AIM2: variants seen among roughly 807,000 people sequenced by gnomAD.
The protein encoded by AIM2 is interferon-inducible protein AIM2.
In AIM2, 30 loss-of-function variants were observed where a neutral mutation model predicts 27.7. The ratio of observed to expected loss-of-function variants is 1.08; its 90% CI spans 0.81 to 1.47. AIM2 has a LOEUF of 1.47. Ranked by LOEUF, AIM2 falls within the 40% of genes most tolerant of loss-of-function variation. The pLI, the probability that AIM2 is intolerant of heterozygous loss-of-function variation, is 0.00. For missense variants in AIM2, 358 were observed against 411.3 expected (o/e 0.87, Z 1.12); for synonymous variants, 141 against 145.3 (o/e 0.97, Z 0.21).
At chr1:159,074,272 T>C (rs1310518579) in intron 1 of AIM2, among the ~76,000 whole-genome samples, 1 of 152,200 alleles carries the variant, frequency 6.6e-6, no homozygotes, top group Non-Finnish European at 1.5e-5. Flanking sequence ...ATCTCAAGAT[T>C]AGAAGATTTT....
At chr1:159,139,831 C>G (rs1311392300) in intron 1 of AIM2, among the ~76,000 whole-genome samples, 1 of 152,170 alleles carries the variant, frequency 6.6e-6, no homozygotes, top group Non-Finnish European at 1.5e-5. Context: ...TCATTATTTC[C>G]AGAAAGACTC....
downstream of AIM2, among the ~76,000 whole-genome samples, chr1:159,061,741 A>AT (rs1655845619): frequency 2.6e-5 from 4 of 151,952 alleles, no homozygotes; most frequent in African/African-American, 9.7e-5. Flanking sequence ...TGACTAACAA[A>AT]TATTAAGCCC....
At chr1:159,141,510 A>G (rs1234513566), upstream of AIM2, among the ~76,000 whole-genome samples, 1 of 152,134 alleles carries the variant, frequency 6.6e-6, no homozygotes, top group Non-Finnish European at 1.5e-5. Flanking sequence ...CTCAAGGAAA[A>G]GGGTTTCCTT....
chr1:159,095,070 T>TA (rs1657142526), intron 1 of AIM2, among the ~76,000 whole-genome samples: 1 of 152,158 alleles, frequency 6.6e-6, no homozygotes, highest in Non-Finnish European at 1.5e-5. Flanking sequence ...ACAACACTCA[T>TA]AATCCCATCA....
intron 1 of AIM2, among the ~76,000 whole-genome samples, chr1:159,093,587 C>T (rs1392336642): frequency 6.6e-6 from 1 of 152,022 alleles, no homozygotes; most frequent in Non-Finnish European, 1.5e-5. Context: ...TTCATGGATA[C>T]TCATGTGCTG....
At position 159,133,302 on chromosome 1, in the gene AIM2, G is replaced by C. The variant is rs1413860917; in HGVS notation, c.-16+7129C>G. Among the ~76,000 whole-genome samples, 2 of 152,182 alleles carry C rather than the reference G, an allele frequency of 1.3e-5. 1 individual carries two copies. The highest frequency in any genetic ancestry group is 1.3e-4 in the Admixed American group (2 of 15,284). ...GAACTACAGATACAAGTTTGGTCAC[G>C]AGTTGATCACTGTTGAAACTGAGTG... On this transcript the variant is annotated intron_variant, in intron 1 of 2. Coordinates refer to the AIM2 transcript ENST00000368129.
chr1:159,058,124 C>A (rs1655716229), downstream of AIM2, among the ~76,000 whole-genome samples: 1 of 152,092 alleles, frequency 6.6e-6, no homozygotes, highest in East Asian at 1.9e-4. Flanking sequence ...GAGGCCAAGG[C>A]CAGCAGATCA....
At chr1:159,114,896 C>T (rs1647293012) in intron 1 of AIM2, among the ~76,000 whole-genome samples, 1 of 152,114 alleles carries the variant, frequency 6.6e-6, no homozygotes, top group Non-Finnish European at 1.5e-5. Flanking sequence ...TCAAATTGTC[C>T]CTGTTTGCAG....
chr1:159,142,705 A>T (rs1395533792), upstream of AIM2, among the ~76,000 whole-genome samples: 1 of 152,142 alleles, frequency 6.6e-6, no homozygotes, highest in East Asian at 1.9e-4. Flanking sequence ...CAAGAAAATG[A>T]TTTCTATTTT....
intron 1 of AIM2, among the ~76,000 whole-genome samples, chr1:159,133,859 T>C (rs1162900477): frequency 6.6e-6 from 1 of 152,128 alleles, no homozygotes; most frequent in Non-Finnish European, 1.5e-5. Flanking sequence ...CTATGTGATC[T>C]TATTCATACT....
At chr1:159,142,836 T>C (rs1570987023), upstream of AIM2, among the ~76,000 whole-genome samples, 1 of 152,194 alleles carries the variant, frequency 6.6e-6, no homozygotes, top group South Asian at 2.1e-4. Flanking sequence ...TTTTCTCCTA[T>C]TTGGTTCCCA....
At chr1:159,064,369 C>A (rs1002809020) in intron 4 of AIM2, among the ~76,000 whole-genome samples, 2 of 152,210 alleles carry the variant, frequency 1.3e-5, no homozygotes, top group African/African-American at 2.4e-5. Context: ...ATAGAAGCAA[C>A]AACTGCTGGA....
At chr1:159,061,684 T>G (rs1463533305), downstream of AIM2, among the ~76,000 whole-genome samples, 4 of 150,690 alleles carry the variant, frequency 2.7e-5, no homozygotes, top group Non-Finnish European at 5.9e-5. Flanking sequence ...GGATTACAGG[T>G]GTGAGCCACC....
At chr1:159,076,582 G>C (rs1656619169) in intron 1 of AIM2, 51 bp downstream of exon 1, 1 of 152,236 alleles carries the variant, frequency 6.6e-6, no homozygotes, top group African/African-American at 2.4e-5. Flanking sequence ...TTTTTCAGCA[G>C]AGAAACGGTT....
intron 1 of AIM2, among the ~76,000 whole-genome samples, chr1:159,131,766 T>A (rs1647892819): frequency 6.6e-6 from 1 of 152,220 alleles, no homozygotes; most frequent in South Asian, 2.1e-4. Context: ...CACAGTTGGA[T>A]CATCTGTACT....
At chr1:159,109,778 T>C (rs1204370738) in intron 1 of AIM2, among the ~76,000 whole-genome samples, 2 of 151,960 alleles carry the variant, frequency 1.3e-5, no homozygotes, top group South Asian at 2.1e-4. Context: ...AAAGAAAATA[T>C]ACAAATGGCC....
chr1:159,105,682 C>T (rs1188295395), intron 1 of AIM2, among the ~76,000 whole-genome samples: 1 of 152,154 alleles, frequency 6.6e-6, no homozygotes. Context: ...GGCACGTCAT[C>T]CTGATGAGCT....
intron 1 of AIM2, among the ~76,000 whole-genome samples, chr1:159,109,212 C>T (rs1657515332): frequency 6.6e-6 from 1 of 152,036 alleles, no homozygotes; most frequent in African/African-American, 2.4e-5. Flanking sequence ...AAAATAGGCA[C>T]ATAGAGCAAT....
intron 3 of AIM2, 97 bp downstream of exon 3, chr1:159,068,471 G>A (rs1415436425): frequency 7.6e-6 from 11 of 1,451,774 alleles, no homozygotes; most frequent in Non-Finnish European, 1.0e-5. Flanking sequence ...TCCCTTATTT[G>A]CATGCTGTGA....
Sources: allele counts gnomAD v4.1 joint callset (sites outside exome capture counted in the v4.1 genomes callset), GRCh38; gene constraint gnomAD v4.1.1; transcripts MANE v1.5; gene names NCBI Gene and HGNC (gene_info 2026-07-23, HGNC 2026-07-21).